KLHL5: variants seen among roughly 807,000 people sequenced by gnomAD.
The protein encoded by KLHL5 is kelch-like protein 5.
KLHL5 carries 48 observed loss-of-function variants against 77.7 expected under a neutral mutation model. The ratio of observed to expected loss-of-function variants is 0.62; its 90% CI spans 0.49 to 0.79. The LOEUF (loss-of-function observed/expected upper bound fraction) is 0.79. Among genes scored for constraint, KLHL5 ranks in the 30% least tolerant of loss-of-function variants. KLHL5 has a pLI of 0.00. For synonymous variants in KLHL5, 260 were observed against 297.0 expected, an observed-to-expected ratio of 0.88 and a Z score of 1.28; for missense variants, 723 against 859.7, an observed-to-expected ratio of 0.84 and a Z score of 1.99.
At chr4:39,117,301 A>T (rs1433143053) in intron 10 of KLHL5, among the ~76,000 whole-genome samples, 1 of 152,162 alleles carries the variant, frequency 6.6e-6, no homozygotes, top group Non-Finnish European at 1.5e-5. Context: ...TCTGTCTCTT[A>T]AAAATAATCA....
Position 39,115,314 on chromosome 4 carries a change from C to T in KLHL5, c.2057C>T (p.Thr686Ile). 6.2e-7 allele frequency: 1 copy of T among 1,614,024 alleles called. No individual in the cohort carries two copies. Among genetic ancestry groups the T allele is most frequent in the Non-Finnish European group, 8.5e-7 (1 of 1,179,932 alleles). The change falls in exon 10 of 11, where the codon ACA becomes ATA. Residue 686 changes from threonine to isoleucine, a missense_variant. Physicochemically the swap from Thr to Ile is moderately conservative, Grantham distance 89. Transcript: ENST00000504108. ...LNTVEAYDPQ[T>I]NEWTQVAPLC... The stretch of plus-strand genomic sequence containing the variant: ...ACTGTGGAGGCTTATGATCCCCAGA[C>T]AAATGAGTGGACCCAGGTATGGCAT...
upstream of KLHL5, among the ~76,000 whole-genome samples, chr4:39,061,283 GT>G (rs1717393934): frequency 6.6e-6 from 1 of 152,064 alleles, no homozygotes; most frequent in Admixed American, 6.6e-5. Context: ...AGTAGTTTTT[GT>G]TTTTGTTTTT....
exon 1 of KLHL5, chr4:39,045,047 T>C: frequency 1.0e-6 from 1 of 990,310 alleles, no homozygotes; most frequent in Non-Finnish European, 1.2e-6. Flanking sequence ...TCCTCCCGCC[T>C]GGCCGCCCCG....
At chr4:39,115,056 A>G (rs1291946369) in intron 9 of KLHL5, 103 bp from the exon 10 acceptor site, 1 of 983,102 alleles carries the variant, frequency 1.0e-6, no homozygotes, top group Admixed American at 2.6e-5. Context: ...GTATTTGATT[A>G]CATAGTAGAT....
At position 39,126,180 on chromosome 4, in the gene KLHL5, T is replaced by G. The variant is rs1723532748; in HGVS notation, c.*5114T>G. On this transcript the variant is annotated 3_prime_UTR_variant, in exon 11 of 11. Transcript: ENST00000504108. ...ACTCTGTAATATTTGAAATTATTGA[T>G]AACTCTTACACAAAAACAAATATTC... Among the ~76,000 whole-genome samples, 1 of 152,220 alleles carries G rather than the reference T, an allele frequency of 6.6e-6. No individual in the cohort carries two copies. Among genetic ancestry groups the G allele is most frequent in the South Asian group, 2.1e-4 (1 of 4,832 alleles).
intron 1 of KLHL5, among the ~76,000 whole-genome samples, chr4:39,074,913 G>T (rs1023253762): frequency 2.0e-5 from 3 of 152,164 alleles, no homozygotes; most frequent in African/African-American, 7.2e-5. Flanking sequence ...TTGATTACTT[G>T]ATTTAAGTGA....
At chr4:39,063,073 G>T in intron 1 of KLHL5, 38 bp downstream of exon 1, 1 of 1,480,668 alleles carries the variant, frequency 6.8e-7, no homozygotes, top group Non-Finnish European at 9.2e-7. Flanking sequence ...GGGGTGTGGG[G>T]GTATGGCTCT....
rs1351556399 is a variant in KLHL5, at chr4:39,122,581, G to A, written c.*1515G>A. ...AGCACTTTGGGAGGCTGAGGTGGGC[G>A]GATCACGAGGTCAGGAGATGGAGAC... On this transcript the variant is annotated 3_prime_UTR_variant, in exon 11 of 11. Coordinates refer to ENST00000504108, the MANE Select transcript of KLHL5 (RefSeq NM_015990.5). Among the ~76,000 whole-genome samples the A allele has an allele frequency of 1.3e-5, 2 of 152,034 alleles. No homozygotes were observed. Among genetic ancestry groups the A allele is most frequent in the African/African-American group, 2.4e-5 (1 of 41,380 alleles).
At chr4:39,065,430 A>C (rs1258218720) in intron 1 of KLHL5, among the ~76,000 whole-genome samples, 1 of 147,022 alleles carries the variant, frequency 6.8e-6, no homozygotes, top group African/African-American at 2.5e-5. Context: ...ATCTCGGCTT[A>C]CTGCAACCTC....
the KLHL5 span, among the ~76,000 whole-genome samples, chr4:39,134,613 T>C: frequency 1.3e-5 from 2 of 152,240 alleles, no homozygotes; most frequent in African/African-American, 4.8e-5. Flanking sequence ...TGCTACATTT[T>C]AAGTTTTTAC....
chr4:39,136,554 G>A, the KLHL5 span, among the ~76,000 whole-genome samples: 1 of 152,176 alleles, frequency 6.6e-6, no homozygotes, highest in Non-Finnish European at 1.5e-5. Flanking sequence ...GACCCAATGT[G>A]GGGTATTGGA....
At chr4:39,093,353 T>A (rs1720762690) in intron 5 of KLHL5, 1 of 453,842 alleles carries the variant, frequency 2.2e-6, no homozygotes, top group Non-Finnish European at 4.4e-6. Context: ...GGAATGAGGA[T>A]CAACAGTAAA....
At chr4:39,117,832 T>C (rs1722946785) in intron 10 of KLHL5, among the ~76,000 whole-genome samples, 2 of 152,144 alleles carry the variant, frequency 1.3e-5, no homozygotes, top group African/African-American at 4.8e-5. Flanking sequence ...CCCAACACTT[T>C]GGGAGGCCAA....
chr4:39,082,778 A>C (rs1290012488), intron 4 of KLHL5, among the ~76,000 whole-genome samples: 1 of 152,220 alleles, frequency 6.6e-6, no homozygotes, highest in Non-Finnish European at 1.5e-5. Flanking sequence ...CCCTGAACTT[A>C]AAAGTTAAAA....
rs778004014 is a variant in KLHL5, at chr4:39,076,023, G to A, written c.442G>A (p.Asp148Asn). 3 of 1,612,586 alleles carry A rather than the reference G, an allele frequency of 1.9e-6. No individual in the cohort carries two copies. Among genetic ancestry groups the A allele is most frequent in the South Asian group, 1.1e-5 (1 of 90,724 alleles). ...TCATACTATGGAGCCATGTACATCA[G>A]ATGAATTTTTCCAAGCCCTTAATCA... ...SCHTMEPCTS[D>N]EFFQALNHAE... Residue 148 changes from aspartate to asparagine, a missense_variant, in exon 2 of 11, where the codon GAT (aspartate) becomes AAT (asparagine). Asp to Asn is a conservative substitution (Grantham distance 23). Around this residue, in one of 3 missense-constraint regions of KLHL5, gnomAD observed 221 missense variants for 222.1 expected, o/e 1.00. Coordinates refer to ENST00000504108, the MANE Select transcript of KLHL5 (RefSeq NM_015990.5).
chr4:39,064,625 A>G (rs1356124492), intron 1 of KLHL5, among the ~76,000 whole-genome samples: 1 of 152,158 alleles, frequency 6.6e-6, no homozygotes, highest in Non-Finnish European at 1.5e-5. Flanking sequence ...GTAATCTTGG[A>G]AAAATTATAC....
intron 1 of KLHL5, among the ~76,000 whole-genome samples, chr4:39,069,430 T>TTATA (rs60740721): frequency 1.1e-3 from 34 of 30,376 alleles, no homozygotes; most frequent in South Asian, 2.8e-3. Context: ...TATTAACATT[T>TTATA]TATATATATA....
At position 39,103,317 on chromosome 4, in the gene KLHL5, G is replaced by A. The variant is rs145777465; in HGVS notation, c.1331G>A (p.Arg444His). Reference protein sequence around the residue: ...GATSIEKYDLRTNMWTPVANM... With the variant: ...GATSIEKYDLHTNMWTPVANM... Reference sequence around the variant, plus strand: ...ACAAGCATTGAAAAGTATGATCTCCGTACAAATATGTGGACTCCAGTAGCA... The same window carrying A: ...ACAAGCATTGAAAAGTATGATCTCCATACAAATATGTGGACTCCAGTAGCA... Residue 444 changes from arginine (R) to histidine (H), a missense_variant, in exon 7 of 11, where the codon CGT becomes CAT. Physicochemically the swap from Arg to His is conservative, Grantham distance 29. Transcript: ENST00000504108. 64 of 1,613,582 alleles carry A rather than the reference G, an allele frequency of 4.0e-5. No individual in the cohort carries two copies. Among genetic ancestry groups the A allele is most frequent in the African/African-American group, 6.7e-5 (5 of 74,868 alleles).
intron 4 of KLHL5, 111 bp from the exon 5 acceptor site, chr4:39,086,403 TA>T: frequency 1.2e-6 from 1 of 819,678 alleles, no homozygotes; most frequent in Non-Finnish European, 2.0e-6. Context: ...TTGTAAGGTC[TA>T]AAATATAAAT....
Sources: gnomAD v4.1 joint callset for allele counts (sites outside exome capture counted in the v4.1 genomes callset) on GRCh38, gnomAD v4.1.1 for gene constraint, gnomAD v4.1.1 regional missense constraint, MANE v1.5 for transcripts, NCBI Gene and HGNC (gene_info 2026-07-23, HGNC 2026-07-21) for gene names.